Variants in PLPP1 observed in about 807,000 individuals in gnomAD.
PLPP1 encodes lipid phosphate phosphohydrolase 1a.
PLPP1 carries 24 observed loss-of-function variants against 31.2 expected under a neutral mutation model. The ratio of observed to expected loss-of-function variants is 0.77; its 90% CI spans 0.56 to 1.08. PLPP1 has a LOEUF of 1.08. Ranked by LOEUF, PLPP1 falls within the 50% of genes least tolerant of loss-of-function variation. PLPP1 has a pLI of 0.00. For synonymous variants in PLPP1, 146 were observed against 126.3 expected (o/e 1.16, Z -1.05); for missense variants, 319 against 342.7 (o/e 0.93, Z 0.55).
At chr5:55,481,516 C>A (rs1752667702) in intron 1 of PLPP1, among the ~76,000 whole-genome samples, 1 of 152,096 alleles carries the variant, frequency 6.6e-6, no homozygotes, top group African/African-American at 2.4e-5. Flanking sequence ...TGGCAACAGT[C>A]TGAGAAATCC....
At chr5:55,464,477 C>A (rs1198957873) in intron 3 of PLPP1, among the ~76,000 whole-genome samples, 3 of 152,108 alleles carry the variant, frequency 2.0e-5, no homozygotes, top group African/African-American at 7.2e-5. Context: ...CTCAAGTGAT[C>A]CACCCAGCCT....
At chr5:55,432,812 A>C (rs1472326151) in intron 4 of PLPP1, among the ~76,000 whole-genome samples, 2 of 152,242 alleles carry the variant, frequency 1.3e-5, no homozygotes, top group African/African-American at 4.8e-5. Flanking sequence ...AAAAAAAAAA[A>C]AAACCTGTCC....
At chr5:55,464,807 G>A (rs1162414749) in intron 3 of PLPP1, among the ~76,000 whole-genome samples, 1 of 152,034 alleles carries the variant, frequency 6.6e-6, no homozygotes, top group Non-Finnish European at 1.5e-5. Flanking sequence ...GTTGCAGATG[G>A]GAGTGTAAAT....
intron 4 of PLPP1, among the ~76,000 whole-genome samples, chr5:55,426,424 G>A (rs1327071239): frequency 1.3e-5 from 2 of 152,096 alleles, no homozygotes; most frequent in Non-Finnish European, 2.9e-5. Flanking sequence ...TAAAGAAATG[G>A]GGCGTTGCTC....
chr5:55,490,428 G>T (rs955383361), intron 1 of PLPP1, among the ~76,000 whole-genome samples: 1 of 152,032 alleles, frequency 6.6e-6, no homozygotes, highest in Non-Finnish European at 1.5e-5. Context: ...GGGATTACAG[G>T]TGTGAGCCAC....
At chr5:55,534,135 A>G (rs1430032046) in intron 1 of PLPP1, among the ~76,000 whole-genome samples, 1 of 152,184 alleles carries the variant, frequency 6.6e-6, no homozygotes, top group Non-Finnish European at 1.5e-5. Flanking sequence ...TAGCCGAAAT[A>G]TTAAACTGCT....
chr5:55,452,062 G>A (rs1472885474), intron 3 of PLPP1, among the ~76,000 whole-genome samples: 1 of 152,172 alleles, frequency 6.6e-6, no homozygotes, highest in African/African-American at 2.4e-5. Flanking sequence ...AGAACAAACT[G>A]TTGAGCAAAG....
chr5:55,447,302 A>G (rs532809262), intron 3 of PLPP1, among the ~76,000 whole-genome samples: 17 of 152,338 alleles, frequency 1.1e-4, no homozygotes, highest in African/African-American at 3.8e-4. Flanking sequence ...ACAGTGACCA[A>G]TGCTCAAAAA....
chr5:55,465,787 T>C (rs1198399305), intron 3 of PLPP1, among the ~76,000 whole-genome samples: 1 of 152,194 alleles, frequency 6.6e-6, no homozygotes, highest in Non-Finnish European at 1.5e-5. Flanking sequence ...TCATCCCCTC[T>C]GTTCCTACTC....
chr5:55,530,846 AT>A, intron 1 of PLPP1: 2 of 1,191,872 alleles, frequency 1.7e-6, no homozygotes, highest in Non-Finnish European at 2.5e-6. Context: ...GGGCAGTAGG[AT>A]GTGGCCGCGG....
In PLPP1 at chr5:55,457,714, C is replaced by G. The variant is rs368086648; in HGVS notation, c.491+10155G>C. On this transcript the variant is annotated intron_variant, in intron 3 of 5. Transcript: ENST00000307259. ...GACCAGCCTGGCCAATATGGTGAAA[C>G]CCCATCTCTACTAAAAATACACAAA... 3.9e-5 allele frequency among the ~76,000 whole-genome samples: 6 copies of G among 152,186 alleles called. No homozygotes were observed. In the East Asian group the frequency reaches 7.7e-4, roughly 20 times the overall value.
At chr5:55,528,636 G>T (rs1740555567) in intron 1 of PLPP1, among the ~76,000 whole-genome samples, 1 of 152,152 alleles carries the variant, frequency 6.6e-6, no homozygotes, top group Admixed American at 6.5e-5. Flanking sequence ...TCAGGATATG[G>T]TTTAATACAC....
Position 55,467,889 on chromosome 5 carries a change from T to C in PLPP1, c.471A>G (p.Ala157=), listed in dbSNP as rs764215006. 3 of 1,612,452 alleles carry C rather than the reference T, an allele frequency of 1.9e-6. No individual in the cohort carries two copies. The highest frequency in any genetic ancestry group is 3.3e-5 in the Admixed American group (2 of 59,774). The change falls in exon 3 of 6, where the codon GCA becomes GCG. Residue 157 remains alanine (A), a synonymous_variant. Coordinates refer to ENST00000307259, the MANE Select transcript of PLPP1 (RefSeq NM_003711.4). The stretch of plus-strand genomic sequence containing the variant: ...CTCACCTGCCTTCCTTAACTCTTTC[T>C]GCATTCCCTCGACATATGTAGTATT... The part of the protein sequence containing the change: ...YIEYYICRGN[A]ERVKEGRLSF...
intron 1 of PLPP1, among the ~76,000 whole-genome samples, chr5:55,501,742 G>T (rs1050505043): frequency 6.6e-6 from 1 of 152,174 alleles, no homozygotes; most frequent in South Asian, 2.1e-4. Flanking sequence ...GACCTCAGGT[G>T]ATCCACCCCC....
At chr5:55,480,949 C>T (rs140353134) in intron 1 of PLPP1, among the ~76,000 whole-genome samples, 1 of 152,188 alleles carries the variant, frequency 6.6e-6, no homozygotes, top group Admixed American at 6.5e-5. Flanking sequence ...CTCAGGTTCT[C>T]TGCATAGTAA....
chr5:55,491,208 T>C (rs1752881726), intron 1 of PLPP1: 4 of 1,366,438 alleles, frequency 2.9e-6, no homozygotes. Context: ...ATCCTAGCCA[T>C]ATTTTGCCCT....
chr5:55,460,779 A>G (rs1752137171), intron 3 of PLPP1, among the ~76,000 whole-genome samples: 1 of 152,170 alleles, frequency 6.6e-6, no homozygotes, highest in South Asian at 2.1e-4. Flanking sequence ...TCAGGAGTTC[A>G]AGGCTACCAT....
At chr5:55,532,235 T>A (rs1740694174) in intron 1 of PLPP1, among the ~76,000 whole-genome samples, 2 of 152,160 alleles carry the variant, frequency 1.3e-5, no homozygotes, top group South Asian at 2.1e-4. Flanking sequence ...ATTTTTTTTT[T>A]AATTGCAGAT....
intron 1 of PLPP1, among the ~76,000 whole-genome samples, chr5:55,533,609 C>G (rs570864177): frequency 6.6e-6 from 1 of 152,310 alleles, no homozygotes; most frequent in South Asian, 2.1e-4. Flanking sequence ...ACAGATCTCC[C>G]ACCCTGAGAA....
Sources: allele counts gnomAD v4.1 joint callset (sites outside exome capture counted in the v4.1 genomes callset), GRCh38; gene constraint gnomAD v4.1.1; transcripts MANE v1.5; gene names NCBI Gene and HGNC (gene_info 2026-07-23, HGNC 2026-07-21).